SMIM12: variants seen among roughly 807,000 people sequenced by gnomAD.
SMIM12 encodes the protein small integral membrane protein 12.
Under a neutral mutation model 6.3 loss-of-function variants are expected in SMIM12, and 5 were observed. That is an observed-to-expected ratio of 0.80 (90% CI 0.42 to 1.68). The LOEUF (loss-of-function observed/expected upper bound fraction) is 1.68, where lower values mean the gene tolerates loss of function less well. Among genes scored for constraint, SMIM12 ranks in the 40% most tolerant of loss-of-function variants. SMIM12 has a pLI of 0.02. For synonymous variants in SMIM12, 51 were observed against 48.0 expected (o/e 1.06, Z -0.26); for missense variants, 103 against 121.4 (o/e 0.85, Z 0.71).
In SMIM12 at chr1:34,854,684, TAA is replaced by T. The variant is rs1461657738; in HGVS notation, c.*1013_*1014del. ...CTCTAAAACCTATGCAGAGAATTAG[TAA>T]AAGACAACAAAATGTTAACGGTTGT... On this transcript the variant is annotated 3_prime_UTR_variant, in exon 2 of 2. Coordinates refer to ENST00000521580, the MANE Select transcript of SMIM12 (RefSeq NM_138428.6). 6.5e-6 allele frequency: 1 copy of T among 153,946 alleles called. No homozygotes were observed. The highest frequency in any genetic ancestry group is 1.4e-5 in the Non-Finnish European group (1 of 69,308). 9.5% of individuals were successfully genotyped at this position (153,946 alleles called of 1,614,324 possible). A position where few individuals can be genotyped will look rare whatever the true frequency, so the allele number is the denominator to read the frequency against.
chr1:34,856,351 C>T (rs1439277635), intron 1 of SMIM12, among the ~76,000 whole-genome samples: 3 of 151,714 alleles, frequency 2.0e-5, no homozygotes, highest in Admixed American at 2.0e-4. Context: ...TGAGCCACCA[C>T]ACCTGGCCAG....
At position 34,852,060 on chromosome 1, in the gene SMIM12, G is replaced by A. The variant is rs531166716; in HGVS notation, c.*3639C>T. Among the ~76,000 whole-genome samples the A allele has an allele frequency of 6.2e-4, 94 of 152,290 alleles. No individual in the cohort carries two copies. The highest frequency in any genetic ancestry group is 1.1e-3 in the Non-Finnish European group (73 of 68,032). On this transcript the variant is annotated 3_prime_UTR_variant, in exon 2 of 2. Transcript: ENST00000521580. Reference sequence around the variant, plus strand: ...TATACTATCTTACAGCCACCGCAACGGCTGATTTCAGCCAGCCTGTGGGAA... The same window carrying A: ...TATACTATCTTACAGCCACCGCAACAGCTGATTTCAGCCAGCCTGTGGGAA...
chr1:34,857,513 G>A (rs148144491), intron 1 of SMIM12: 21 of 152,280 alleles, frequency 1.4e-4, no homozygotes, highest in African/African-American at 4.8e-4. Flanking sequence ...TGTCCACCAC[G>A]TGAGGTAGAT....
In SMIM12 at chr1:34,851,580, C is replaced by T. The variant is rs1388543654; in HGVS notation, c.*4119G>A. The T allele has an allele frequency of 6.6e-6, 1 of 152,236 alleles. No individual in the cohort carries two copies. Among genetic ancestry groups the T allele is most frequent in the African/African-American group, 2.4e-5 (1 of 41,462 alleles). 9.4% of individuals were successfully genotyped at this position (152,236 alleles called of 1,614,324 possible). A position where few individuals can be genotyped will look rare whatever the true frequency, so the allele number is the denominator to read the frequency against. ...TTTCACTCAGCGGCAGTCCCACCAGCCTGGAGCCCTGGGGAGCTGACCAGA... is the reference window on the plus strand; with the variant it reads ...TTTCACTCAGCGGCAGTCCCACCAGTCTGGAGCCCTGGGGAGCTGACCAGA... On this transcript the variant is annotated 3_prime_UTR_variant, in exon 2 of 2. Transcript: ENST00000521580.
At chr1:34,856,083 A>ATTTT (rs11383879) in intron 1 of SMIM12, 101 bp from the exon 2 acceptor site, 266 of 1,032,138 alleles carry the variant, frequency 2.6e-4, no homozygotes, top group African/African-American at 2.3e-3. Flanking sequence ...GCCTGGCACA[A>ATTTT]TTTTTTTTTT....
At chr1:34,856,893 A>G (rs1295452144) in intron 1 of SMIM12, among the ~76,000 whole-genome samples, 3 of 152,158 alleles carry the variant, frequency 2.0e-5, no homozygotes, top group Non-Finnish European at 2.9e-5. Flanking sequence ...AAATCTGCTG[A>G]CTAAACCATT....
Position 34,853,102 on chromosome 1 carries a change from C to G in SMIM12, c.*2597G>C, listed in dbSNP as rs1280409727. 1 of 152,424 alleles carries G rather than the reference C, an allele frequency of 6.6e-6. No homozygotes were observed. Among genetic ancestry groups the G allele is most frequent in the Non-Finnish European group, 1.5e-5 (1 of 68,198 alleles). 9.4% of individuals were successfully genotyped at this position (152,424 alleles called of 1,614,324 possible). On this transcript the variant is annotated 3_prime_UTR_variant, in exon 2 of 2. Transcript: ENST00000521580. ...GAAGAAGCCAACGACTCAACCTGCT[C>G]CCTCCTCTCAGGCCACCACCAGGTC...
At position 34,851,517 on chromosome 1, in the gene SMIM12, C is replaced by T. The variant is rs1480330071; in HGVS notation, c.*4182G>A. 6.6e-6 allele frequency: 1 copy of T among 152,272 alleles called. No individual in the cohort carries two copies. The highest frequency in any genetic ancestry group is 1.5e-5 in the Non-Finnish European group (1 of 68,074). 9.4% of individuals were successfully genotyped at this position (152,272 alleles called of 1,614,324 possible). On this transcript the variant is annotated 3_prime_UTR_variant, in exon 2 of 2. Transcript: ENST00000521580. ...GGGCTTTTACATTTTCACTGCCTGG[C>T]TCCCAACCCAGACTCTGGCAAGGCT...
intron 1 of SMIM12, chr1:34,857,812 T>A (rs970265976): frequency 1.3e-5 from 2 of 151,874 alleles, no homozygotes; most frequent in Non-Finnish European, 2.9e-5. Context: ...CAGATGGGGG[T>A]TGGAGAGGGA....
rs936035061 is a variant in SMIM12, at chr1:34,852,580, T to A, written c.*3119A>T. 1 of 151,316 alleles carries A rather than the reference T, an allele frequency of 6.6e-6. No homozygotes were observed. Among genetic ancestry groups the A allele is most frequent in the Admixed American group, 6.6e-5 (1 of 15,146 alleles). 9.4% of individuals were successfully genotyped at this position (151,316 alleles called of 1,614,324 possible). Reference sequence around the variant, plus strand: ...AATTAACCCCACGGGTATGATAGCATGCTTAGAATTTTGTATAATGAATTA... The same window carrying A: ...AATTAACCCCACGGGTATGATAGCAAGCTTAGAATTTTGTATAATGAATTA... On this transcript the variant is annotated 3_prime_UTR_variant, in exon 2 of 2. Coordinates refer to ENST00000521580, the MANE Select transcript of SMIM12 (RefSeq NM_138428.6).
rs937910950 is a variant in SMIM12, at chr1:34,853,329, T to C, written c.*2370A>G. The C allele has an allele frequency of 1.3e-5, 2 of 152,282 alleles. No homozygotes were observed. The highest frequency in any genetic ancestry group is 2.4e-5 in the African/African-American group (1 of 41,454). 9.4% of individuals were successfully genotyped at this position (152,282 alleles called of 1,614,324 possible). A position where few individuals can be genotyped will look rare whatever the true frequency, so the allele number is the denominator to read the frequency against. Reference sequence around the variant, plus strand: ...TGTGCTGACTTTAGTTAAACATCAGTAGGCTTCAAGAGGCAACAGCTTCTT... The same window carrying C: ...TGTGCTGACTTTAGTTAAACATCAGCAGGCTTCAAGAGGCAACAGCTTCTT... On this transcript the variant is annotated 3_prime_UTR_variant, in exon 2 of 2. Coordinates refer to ENST00000521580, the MANE Select transcript of SMIM12 (RefSeq NM_138428.6).
At position 34,852,575 on chromosome 1, in the gene SMIM12, T is replaced by C. The variant is rs527961887; in HGVS notation, c.*3124A>G. 2.2e-4 allele frequency: 34 copies of C among 151,482 alleles called. No individual in the cohort carries two copies. Among genetic ancestry groups the C allele is most frequent in the African/African-American group, 7.5e-4 (31 of 41,246 alleles). 9.4% of individuals were successfully genotyped at this position (151,482 alleles called of 1,614,324 possible). A position where few individuals can be genotyped will look rare whatever the true frequency, so the allele number is the denominator to read the frequency against. On this transcript the variant is annotated 3_prime_UTR_variant, in exon 2 of 2. Transcript: ENST00000521580. The stretch of plus-strand genomic sequence containing the variant: ...GGTCAAATTAACCCCACGGGTATGA[T>C]AGCATGCTTAGAATTTTGTATAATG...
chr1:34,859,084 A>G (rs781596746), intron 1 of SMIM12: 3 of 152,260 alleles, frequency 2.0e-5, no homozygotes, highest in Non-Finnish European at 2.9e-5. Flanking sequence ...ACAAAAACCT[A>G]AAGACTCCAT....
intron 1 of SMIM12, chr1:34,858,615 G>A (rs1638724966): frequency 6.6e-6 from 1 of 152,136 alleles, no homozygotes; most frequent in Non-Finnish European, 1.5e-5. Context: ...TTTAAAGCAA[G>A]TCCTCTGTAT....
Position 34,855,670 on chromosome 1 carries a change from A to G in SMIM12, c.*29T>C, listed in dbSNP as rs138624697. 510 of 1,613,608 alleles carry G rather than the reference A, an allele frequency of 3.2e-4. 4 individuals carry two copies. Among genetic ancestry groups the G allele is most frequent in the Middle Eastern group, 1.7e-3 (10 of 6,060 alleles). Reference sequence around the variant, plus strand: ...GGTAGCAGGACAAGTCACCACCCACAGTAGGACCATAGGGCCCTGTGTCCT... The same window carrying G: ...GGTAGCAGGACAAGTCACCACCCACGGTAGGACCATAGGGCCCTGTGTCCT... On this transcript the variant is annotated 3_prime_UTR_variant, in exon 2 of 2. Coordinates refer to ENST00000521580, the MANE Select transcript of SMIM12 (RefSeq NM_138428.6).
At position 34,853,507 on chromosome 1, in the gene SMIM12, T is replaced by A. The variant is rs965250695; in HGVS notation, c.*2192A>T. 1 of 152,188 alleles carries A rather than the reference T, an allele frequency of 6.6e-6. No homozygotes were observed. Among genetic ancestry groups the A allele is most frequent in the Non-Finnish European group, 1.5e-5 (1 of 68,022 alleles). The allele number at this position is 152,188 out of a possible 1,614,324, so 9.4% of individuals were successfully genotyped here. A position where few individuals can be genotyped will look rare whatever the true frequency, so the allele number is the denominator to read the frequency against. Reference sequence around the variant, plus strand: ...AAAACTGCTCATTTATCCCATTTCATCCAAAATGACATTTACTATTTTTAC... The same window carrying A: ...AAAACTGCTCATTTATCCCATTTCAACCAAAATGACATTTACTATTTTTAC... On this transcript the variant is annotated 3_prime_UTR_variant, in exon 2 of 2. Coordinates refer to ENST00000521580, the MANE Select transcript of SMIM12 (RefSeq NM_138428.6).
In SMIM12 at chr1:34,855,331, C is replaced by T; in HGVS notation, c.*368G>A. The T allele has an allele frequency of 7.1e-7, 1 of 1,408,378 alleles. No homozygotes were observed. The highest frequency in any genetic ancestry group is 9.5e-7 in the Non-Finnish European group (1 of 1,049,078). 87.2% of individuals were successfully genotyped at this position (1,408,378 alleles called of 1,614,324 possible). A position where few individuals can be genotyped will look rare whatever the true frequency, so the allele number is the denominator to read the frequency against. ...CCAGTGCAGACTGGAACTAGACATG[C>T]AGGTATCCCTCCTAAAGGCAACGCC... On this transcript the variant is annotated 3_prime_UTR_variant, in exon 2 of 2. Transcript: ENST00000521580.
chr1:34,856,229 T>A (rs1267619068), intron 1 of SMIM12, among the ~76,000 whole-genome samples: 2 of 151,950 alleles, frequency 1.3e-5, no homozygotes, highest in Admixed American at 1.3e-4. Flanking sequence ...ACAGCTAATT[T>A]CTGTATTTTT....
chr1:34,856,232 G>A (rs1021523513), intron 1 of SMIM12, among the ~76,000 whole-genome samples: 1 of 151,950 alleles, frequency 6.6e-6, no homozygotes, highest in Non-Finnish European at 1.5e-5. Flanking sequence ...GCTAATTTCT[G>A]TATTTTTTTA....
Sources: gnomAD v4.1 joint callset for allele counts (sites outside exome capture counted in the v4.1 genomes callset) on GRCh38, gnomAD v4.1.1 for gene constraint, MANE v1.5 for transcripts, NCBI Gene and HGNC (gene_info 2026-07-23, HGNC 2026-07-21) for gene names.